The following ARHGAP15 variants were observed in gnomAD, a reference collection of about 807,000 sequenced individuals.
ARHGAP15 encodes Rho GTPase activating protein 15.
Under a neutral mutation model 63.7 loss-of-function variants are expected in ARHGAP15, and 51 were observed. The ratio of observed to expected loss-of-function variants is 0.80; its 90% confidence interval spans 0.64 to 1.01. ARHGAP15 has a LOEUF of 1.01. ARHGAP15 is among the 50% of genes least tolerant of loss of function. The pLI is 0.00. For synonymous variants in ARHGAP15, 191 were observed against 193.8 expected, an observed-to-expected ratio of 0.99 and a Z score of 0.12; for missense variants, 560 against 564.6, an observed-to-expected ratio of 0.99 and a Z score of 0.08.
intron 6 of ARHGAP15, among the ~76,000 whole-genome samples, chr2:143,293,584 T>G (rs1219494800): frequency 6.6e-6 from 1 of 152,070 alleles, no homozygotes; most frequent in East Asian, 1.9e-4. Context: ...TTAAACTGAC[T>G]TTGGTGTCTT....
intron 12 of ARHGAP15, among the ~76,000 whole-genome samples, chr2:143,664,206 CAACA>C (rs1392776445): frequency 6.6e-6 from 1 of 152,086 alleles, no homozygotes; most frequent in East Asian, 1.9e-4. Context: ...ACAGAGATTA[CAACA>C]AACTATCTCT....
intron 1 of ARHGAP15, among the ~76,000 whole-genome samples, chr2:143,135,620 TTTATGTATCTTTATA>T (rs1270855010): frequency 6.6e-6 from 1 of 152,170 alleles, no homozygotes; most frequent in East Asian, 1.9e-4. Flanking sequence ...CTAATAGCCA[TTTATGTATCTTTATA>T]TTATTCACTG....
chr2:143,311,325 G>C (rs1276374026), intron 6 of ARHGAP15, among the ~76,000 whole-genome samples: 4 of 148,236 alleles, frequency 2.7e-5, no homozygotes, highest in Non-Finnish European at 4.5e-5. Context: ...AGCATGGTTT[G>C]TATTTGCATA....
intron 6 of ARHGAP15, among the ~76,000 whole-genome samples, chr2:143,336,649 C>A (rs1684786954): frequency 6.6e-6 from 1 of 152,108 alleles, no homozygotes; most frequent in Non-Finnish European, 1.5e-5. Flanking sequence ...CCCCAGGGAA[C>A]TACCCTGTAG....
At chr2:143,379,343 A>G (rs1686953378) in intron 6 of ARHGAP15, among the ~76,000 whole-genome samples, 1 of 148,890 alleles carries the variant, frequency 6.7e-6, no homozygotes, top group Admixed American at 6.7e-5. Context: ...TTTTTTAGGC[A>G]TATATATATA....
chr2:143,425,758 TAG>T (rs1349440343), intron 6 of ARHGAP15, among the ~76,000 whole-genome samples: 4 of 28,218 alleles, frequency 1.4e-4, no homozygotes, highest in South Asian at 1.5e-3. Flanking sequence ...CATAGATAGT[TAG>T]TTTCATTCCT....
At chr2:143,513,426 A>G (rs1435676497) in intron 9 of ARHGAP15, among the ~76,000 whole-genome samples, 1 of 152,210 alleles carries the variant, frequency 6.6e-6, no homozygotes, top group African/African-American at 2.4e-5. Context: ...TCCAGGTCTT[A>G]TCTCCACTTA....
At chr2:143,134,141 A>G (rs1689032991) in intron 1 of ARHGAP15, among the ~76,000 whole-genome samples, 1 of 36,594 alleles carries the variant, frequency 2.7e-5, no homozygotes, top group African/African-American at 6.4e-5. Context: ...CTATCTATCT[A>G]TCTATCTATC....
intron 1 of ARHGAP15, among the ~76,000 whole-genome samples, chr2:143,153,336 G>GA (rs1558778807): frequency 6.6e-6 from 1 of 151,742 alleles, no homozygotes; most frequent in African/African-American, 2.4e-5. Context: ...TATTTTTCTA[G>GA]AAAAATATAT....
At chr2:143,355,040 A>G (rs1331465878) in intron 6 of ARHGAP15, among the ~76,000 whole-genome samples, 2 of 152,226 alleles carry the variant, frequency 1.3e-5, no homozygotes, top group Non-Finnish European at 2.9e-5. Context: ...TTTAGCTGGT[A>G]TAATTTTTGA....
At chr2:143,706,059 GGAA>G (rs1479773130) in intron 13 of ARHGAP15, among the ~76,000 whole-genome samples, 2 of 152,074 alleles carry the variant, frequency 1.3e-5, no homozygotes, top group Admixed American at 1.3e-4. Flanking sequence ...ATTATACATG[GGAA>G]GAAGTGTTGT....
chr2:143,508,879 G>T (rs4662336), intron 9 of ARHGAP15, among the ~76,000 whole-genome samples: 107,903 of 152,114 alleles, frequency 0.71, 38,688 homozygotes, highest in East Asian at 0.82. Flanking sequence ...GGGGCCAAAG[G>T]GTACTTCACA....
At chr2:143,618,672 T>C (rs570486744) in intron 11 of ARHGAP15, among the ~76,000 whole-genome samples, 10 of 152,328 alleles carry the variant, frequency 6.6e-5, no homozygotes, top group African/African-American at 1.9e-4. Context: ...TTGACTTGGT[T>C]ACTCTTCTAT....
Position 143,312,908 on chromosome 2 carries a change from A to G in ARHGAP15, c.474+62308A>G, listed in dbSNP as rs569918639. Among the ~76,000 whole-genome samples the G allele has an allele frequency of 1.8e-4, 28 of 152,304 alleles. 1 individual carries two copies. In the South Asian group the frequency reaches 2.7e-3, roughly 15 times the overall value. On this transcript the variant is annotated intron_variant, in intron 6 of 13. Coordinates refer to ENST00000295095, the MANE Select transcript of ARHGAP15 (RefSeq NM_018460.4). ...AATACAGCTAATATACTACTCATCT[A>G]TAACTAAAGAATGGTATATAAAAAC...
intron 1 of ARHGAP15, among the ~76,000 whole-genome samples, chr2:143,139,675 A>G (rs1450391800): frequency 3.9e-5 from 6 of 152,134 alleles, no homozygotes; most frequent in African/African-American, 1.4e-4. Flanking sequence ...AAGGCAGTGA[A>G]GCATGGAGAA....
intron 10 of ARHGAP15, among the ~76,000 whole-genome samples, chr2:143,541,243 C>T (rs1278891083): frequency 6.6e-6 from 1 of 152,154 alleles, no homozygotes; most frequent in African/African-American, 2.4e-5. Context: ...CCTTTAAGGA[C>T]TTCTCTGCAT....
chr2:143,677,271 T>C (rs1467722266), intron 12 of ARHGAP15, among the ~76,000 whole-genome samples: 2 of 152,252 alleles, frequency 1.3e-5, no homozygotes, highest in Non-Finnish European at 1.5e-5. Context: ...TTGGAATACA[T>C]GGTTAGTGTA....
chr2:143,465,696 A>C (rs1047313828), intron 8 of ARHGAP15, among the ~76,000 whole-genome samples: 14 of 3,772 alleles, frequency 3.7e-3, no homozygotes, highest in African/African-American at 3.5e-3. Context: ...GATGCTAATA[A>C]AGCAAGAAAA....
chr2:143,667,133 T>C (rs1325022415), intron 12 of ARHGAP15, among the ~76,000 whole-genome samples: 13 of 149,338 alleles, frequency 8.7e-5, no homozygotes, highest in South Asian at 2.1e-4. Flanking sequence ...ATGTTTATTG[T>C]GGCATTATTC....
Sources: allele counts gnomAD v4.1 joint callset (sites outside exome capture counted in the v4.1 genomes callset), GRCh38; gene constraint gnomAD v4.1.1; transcripts MANE v1.5; gene names NCBI Gene and HGNC (gene_info 2026-07-23, HGNC 2026-07-21).